Variants in PSD3 observed in about 807,000 individuals in gnomAD.
PSD3 encodes the protein pleckstrin and Sec7 domain containing 3.
PSD3 carries 49 observed loss-of-function variants against 105.5 expected under a neutral mutation model. The ratio of observed to expected loss-of-function variants is 0.46; its 90% CI spans 0.37 to 0.59. The LOEUF (loss-of-function observed/expected upper bound fraction) is 0.59. Ranked by LOEUF, PSD3 falls within the 20% of genes least tolerant of loss-of-function variation. The probability of loss-of-function intolerance (pLI) is 0.00; values close to 1 mark genes in which losing one functional copy is unlikely to be tolerated. For synonymous variants in PSD3, 557 were observed against 457.8 expected, an observed-to-expected ratio of 1.22 and a Z score of -2.77; for missense variants, 1,561 against 1,263.8, an observed-to-expected ratio of 1.24 and a Z score of -3.57.
intron 4 of PSD3, among the ~76,000 whole-genome samples, chr8:18,825,737 C>G (rs992241773): frequency 1.3e-5 from 2 of 152,184 alleles, no homozygotes; most frequent in Non-Finnish European, 2.9e-5. Context: ...GATCTCTTCC[C>G]TAACCTCCAC....
At chr8:18,860,226 G>T (rs148238323) in intron 4 of PSD3, among the ~76,000 whole-genome samples, 21 of 152,152 alleles carry the variant, frequency 1.4e-4, no homozygotes, top group Middle Eastern at 3.4e-3. Context: ...TATTGATAAG[G>T]TTTGCCACGT....
chr8:18,910,113 G>A (rs1457007927), intron 2 of PSD3, among the ~76,000 whole-genome samples: 1 of 152,100 alleles, frequency 6.6e-6, no homozygotes, highest in Non-Finnish European at 1.5e-5. Flanking sequence ...AACTTGTATT[G>A]AAAAGTCTCC....
At chr8:18,789,854 T>C (rs981042756) in intron 8 of PSD3, among the ~76,000 whole-genome samples, 4 of 152,178 alleles carry the variant, frequency 2.6e-5, no homozygotes, top group Non-Finnish European at 5.9e-5. Flanking sequence ...GAAACTGACT[T>C]AGAATTTGAC....
At chr8:18,934,399 C>T (rs1057206106) in intron 2 of PSD3, among the ~76,000 whole-genome samples, 7 of 152,190 alleles carry the variant, frequency 4.6e-5, no homozygotes, top group African/African-American at 1.4e-4. Flanking sequence ...TTATTACATA[C>T]CAAGCATGAC....
At chr8:18,699,368 T>C (rs1219340533) in intron 9 of PSD3, among the ~76,000 whole-genome samples, 1 of 152,214 alleles carries the variant, frequency 6.6e-6, no homozygotes, top group Admixed American at 6.5e-5. Context: ...GAAACAAACT[T>C]ATACTGTGTT....
intron 12 of PSD3, among the ~76,000 whole-genome samples, chr8:18,594,745 T>C (rs1803963661): frequency 6.6e-6 from 1 of 151,926 alleles, no homozygotes; most frequent in African/African-American, 2.4e-5. Context: ...ATATCATATG[T>C]ATATCCTTCT....
intron 9 of PSD3, among the ~76,000 whole-genome samples, chr8:18,671,610 C>T (rs1799785119): frequency 6.6e-6 from 1 of 151,960 alleles, no homozygotes; most frequent in Non-Finnish European, 1.5e-5. Flanking sequence ...TGTTCACAGT[C>T]ATCTCCTGAT....
intron 2 of PSD3, among the ~76,000 whole-genome samples, chr8:18,892,381 A>G (rs1818853677): frequency 6.7e-6 from 1 of 149,898 alleles, no homozygotes; most frequent in Non-Finnish European, 1.5e-5. Context: ...CCGCCACCAC[A>G]CCCAGCTAAT....
At chr8:18,931,898 G>C (rs954128021) in intron 2 of PSD3, among the ~76,000 whole-genome samples, 2 of 151,616 alleles carry the variant, frequency 1.3e-5, no homozygotes, top group African/African-American at 4.8e-5. Flanking sequence ...TTTCCTACAG[G>C]AACAGATGAT....
rs540428567 is a variant in PSD3 at position 18,734,265 on chromosome 8, T to C, written c.2172+31184A>G. On this transcript the variant is annotated intron_variant, in intron 9 of 15. Transcript: ENST00000327040. ...CCAAGTTTCTTCATCTATAAAAATA[T>C]GGATTAAAAATACCTTCATTCAAAG... 10 of 152,354 alleles carry C rather than the reference T, an allele frequency of 6.6e-5. No homozygotes were observed. The South Asian group carries it at 1.9e-3, about 28-fold the overall frequency. The allele number at this position is 152,354 out of a possible 1,614,324, so 9.4% of individuals were successfully genotyped here.
intron 2 of PSD3, among the ~76,000 whole-genome samples, chr8:18,909,670 G>C (rs1820076335): frequency 6.6e-6 from 1 of 151,976 alleles, no homozygotes; most frequent in South Asian, 2.1e-4. Flanking sequence ...TTTTAGTAGA[G>C]ATGGAGTTTC....
chr8:18,584,617 C>G (rs1185617912), intron 12 of PSD3, among the ~76,000 whole-genome samples: 1 of 152,130 alleles, frequency 6.6e-6, no homozygotes, highest in Non-Finnish European at 1.5e-5. Context: ...GCTAAATGGC[C>G]AATGAAGCAA....
At chr8:18,752,502 ATATAT>A in intron 9 of PSD3, among the ~76,000 whole-genome samples, 1 of 4,574 alleles carries the variant, frequency 2.2e-4, no homozygotes, top group Non-Finnish European at 2.2e-3. Flanking sequence ...AATATATATA[ATATAT>A]ATAATATATG....
chr8:18,699,423 C>G (rs1801445799), intron 9 of PSD3, among the ~76,000 whole-genome samples: 1 of 152,192 alleles, frequency 6.6e-6, no homozygotes, highest in Admixed American at 6.5e-5. Flanking sequence ...GTAATGTAGC[C>G]TACTCAGATG....
At chr8:18,908,745 T>C (rs1820008079) in intron 2 of PSD3, among the ~76,000 whole-genome samples, 1 of 152,212 alleles carries the variant, frequency 6.6e-6, no homozygotes, top group Non-Finnish European at 1.5e-5. Flanking sequence ...GAATGTTGTC[T>C]TGCTTGTAAG....
chr8:18,722,448 T>G (rs1803050770), intron 9 of PSD3, among the ~76,000 whole-genome samples: 1 of 152,210 alleles, frequency 6.6e-6, no homozygotes, highest in African/African-American at 2.4e-5. Context: ...CTGAGATTTC[T>G]CTTATCTAGA....
At chr8:18,760,675 T>G (rs1376490322) in intron 9 of PSD3, among the ~76,000 whole-genome samples, 3 of 152,232 alleles carry the variant, frequency 2.0e-5, no homozygotes, top group Non-Finnish European at 4.4e-5. Context: ...TGGGCTGTTA[T>G]GAATTTTCAA....
intron 4 of PSD3, among the ~76,000 whole-genome samples, chr8:18,846,975 G>C (rs1397879996): frequency 6.6e-6 from 1 of 152,114 alleles, no homozygotes; most frequent in Non-Finnish European, 1.5e-5. Context: ...CCAATCCCAT[G>C]CTCCCTTAAC....
chr8:18,899,603 C>A (rs183442844), intron 2 of PSD3, among the ~76,000 whole-genome samples: 1 of 152,104 alleles, frequency 6.6e-6, no homozygotes, highest in East Asian at 1.9e-4. Flanking sequence ...TGGGGGCAAG[C>A]AGATGACTTC....
Sources: gnomAD v4.1 joint callset for allele counts (sites outside exome capture counted in the v4.1 genomes callset) on GRCh38, gnomAD v4.1.1 for gene constraint, MANE v1.5 for transcripts, NCBI Gene and HGNC (gene_info 2026-07-23, HGNC 2026-07-21) for gene names.